Variants in PTPRR observed in about 807,000 individuals in gnomAD.
PTPRR encodes the protein receptor-type tyrosine-protein phosphatase R.
A neutral mutation model predicts 77.2 loss-of-function variants in PTPRR; 38 were observed. The ratio of observed to expected loss-of-function variants is 0.49; its 90% CI spans 0.38 to 0.65. The LOEUF (loss-of-function observed/expected upper bound fraction) is 0.65. Among genes scored for constraint, PTPRR ranks in the 30% least tolerant of loss-of-function variants. The pLI, the probability that PTPRR is intolerant of heterozygous loss-of-function variation, is 0.00. For synonymous variants in PTPRR, 299 were observed against 283.1 expected, an observed-to-expected ratio of 1.06 and a Z score of -0.57; for missense variants, 744 against 799.2, an observed-to-expected ratio of 0.93 and a Z score of 0.83.
chr12:70,641,521 T>A (rs541705121), intron 13 of PTPRR, among the ~76,000 whole-genome samples: 1 of 152,326 alleles, frequency 6.6e-6, no homozygotes, highest in Non-Finnish European at 1.5e-5. Context: ...ATCAAGGTTG[T>A]TTTAGCCAGT....
At chr12:70,666,823 AC>A (rs1301912056) in intron 10 of PTPRR, among the ~76,000 whole-genome samples, 1 of 151,948 alleles carries the variant, frequency 6.6e-6, no homozygotes, top group Non-Finnish European at 1.5e-5. Context: ...ATAAGACTGA[AC>A]CCCATAATAA....
intron 5 of PTPRR, 63 bp downstream of exon 5, chr12:70,754,128 G>A: frequency 7.0e-7 from 1 of 1,437,272 alleles, no homozygotes; most frequent in Non-Finnish European, 9.6e-7. Flanking sequence ...GAATGGCAAT[G>A]TACCCACTAA....
chr12:70,880,781 G>T (rs1240868840), intron 2 of PTPRR, among the ~76,000 whole-genome samples: 1 of 152,156 alleles, frequency 6.6e-6, no homozygotes, highest in East Asian at 1.9e-4. Context: ...CTTATTTCTA[G>T]TTCCTTACAG....
intron 2 of PTPRR, among the ~76,000 whole-genome samples, chr12:70,798,708 A>C (rs1891559577): frequency 6.6e-6 from 1 of 152,122 alleles, no homozygotes; most frequent in Non-Finnish European, 1.5e-5. Flanking sequence ...GTTCATTTTC[A>C]TGGAGGCTGC....
chr12:70,896,136 G>T (rs1391696863), intron 1 of PTPRR, among the ~76,000 whole-genome samples: 1 of 151,392 alleles, frequency 6.6e-6, no homozygotes, highest in South Asian at 2.1e-4. Context: ...GATAAAGAGG[G>T]ACATTACATA....
intron 2 of PTPRR, among the ~76,000 whole-genome samples, chr12:70,768,063 G>T (rs968723775): frequency 2.6e-5 from 4 of 152,026 alleles, no homozygotes; most frequent in Non-Finnish European, 4.4e-5. Context: ...GAGAAAGCAG[G>T]AAAGATCCAA....
intron 2 of PTPRR, among the ~76,000 whole-genome samples, chr12:70,874,920 C>CAAAAAAAAA (rs34592534): frequency 1.3e-5 from 1 of 76,828 alleles, no homozygotes. Flanking sequence ...GACTCCATCT[C>CAAAAAAAAA]AAAAAAAAAA....
At chr12:70,669,259 G>A (rs976145088) in intron 10 of PTPRR, among the ~76,000 whole-genome samples, 2 of 151,878 alleles carry the variant, frequency 1.3e-5, no homozygotes, top group African/African-American at 2.4e-5. Flanking sequence ...TTACCAGCCA[G>A]AAGTCTCCAA....
At chr12:70,864,573 A>T (rs569591470) in intron 2 of PTPRR, among the ~76,000 whole-genome samples, 1 of 152,326 alleles carries the variant, frequency 6.6e-6, no homozygotes, top group East Asian at 1.9e-4. Context: ...ATCAGAGTTC[A>T]TTCATTCAAC....
At chr12:70,741,375 A>G (rs1015445766) in intron 6 of PTPRR, among the ~76,000 whole-genome samples, 8 of 152,322 alleles carry the variant, frequency 5.3e-5, no homozygotes, top group Non-Finnish European at 1.0e-4. Flanking sequence ...TCCATACAGA[A>G]GAGAGGTAGC....
chr12:70,682,195 CA>C (rs1322365034), intron 10 of PTPRR, among the ~76,000 whole-genome samples: 2 of 151,124 alleles, frequency 1.3e-5, no homozygotes, highest in African/African-American at 4.9e-5. Flanking sequence ...AGGCGCCCGC[CA>C]CCACGCCCGG....
At chr12:70,730,370 G>C (rs1889610067) in intron 6 of PTPRR, among the ~76,000 whole-genome samples, 1 of 152,136 alleles carries the variant, frequency 6.6e-6, no homozygotes, top group Non-Finnish European at 1.5e-5. Flanking sequence ...AATTAGCCGG[G>C]CATGGTGACG....
In PTPRR at chr12:70,725,163, T is replaced by C. The variant is rs1368188453; in HGVS notation, c.1007+20655A>G. On this transcript the variant is annotated intron_variant, in intron 6 of 13. Coordinates refer to ENST00000283228, the MANE Select transcript of PTPRR (RefSeq NM_002849.4). ...AGACAGGGCTGGGAGACATGATTTA[T>C]TTGCCATCTAGCTATGTACTAAGAG... 2.6e-5 allele frequency among the ~76,000 whole-genome samples: 4 copies of C among 152,264 alleles called. No individual in the cohort carries two copies. In the East Asian group the frequency reaches 5.8e-4, roughly 22 times the overall value.
intron 2 of PTPRR, among the ~76,000 whole-genome samples, chr12:70,790,956 A>G (rs1235985145): frequency 6.6e-6 from 1 of 152,170 alleles, no homozygotes; most frequent in Non-Finnish European, 1.5e-5. Flanking sequence ...ACCTATCAAC[A>G]ATATTCAGAA....
At chr12:70,909,213 T>C (rs1383062316) in intron 1 of PTPRR, among the ~76,000 whole-genome samples, 1 of 152,094 alleles carries the variant, frequency 6.6e-6, no homozygotes, top group African/African-American at 2.4e-5. Context: ...TGCTGCAGAC[T>C]CAGCAAAACT....
At chr12:70,873,985 T>C (rs1188411491) in intron 2 of PTPRR, among the ~76,000 whole-genome samples, 2 of 152,214 alleles carry the variant, frequency 1.3e-5, no homozygotes, top group East Asian at 1.9e-4. Context: ...TTTCCTGCTA[T>C]GTGCTAAGTG....
chr12:70,674,614 T>C (rs1887374903), intron 10 of PTPRR, among the ~76,000 whole-genome samples: 1 of 152,184 alleles, frequency 6.6e-6, no homozygotes, highest in Non-Finnish European at 1.5e-5. Context: ...TATGTACAGT[T>C]ATTCCTGGAA....
chr12:70,788,070 C>T (rs967598695), intron 2 of PTPRR, among the ~76,000 whole-genome samples: 8 of 152,148 alleles, frequency 5.3e-5, no homozygotes, highest in African/African-American at 1.7e-4. Flanking sequence ...GTGGAATAAA[C>T]ATTGGGCGAG....
chr12:70,806,499 T>C lies in PTPRR; in HGVS notation c.358-41721A>G, dbSNP rs1421822969. On this transcript the variant is annotated intron_variant, in intron 2 of 13. Transcript: ENST00000283228. ...GCTATGGAGTTTGAGTTTGATTTTG[T>C]AAGTTCTGGGAAACTACTGAAAGTT... Among the ~76,000 whole-genome samples the C allele has an allele frequency of 2.6e-5, 4 of 152,336 alleles. No individual in the cohort carries two copies. In the East Asian group the frequency reaches 7.7e-4, roughly 29 times the overall value.
Sources: allele counts gnomAD v4.1 joint callset (sites outside exome capture counted in the v4.1 genomes callset), GRCh38; gene constraint gnomAD v4.1.1; transcripts MANE v1.5; gene names NCBI Gene and HGNC (gene_info 2026-07-23, HGNC 2026-07-21).